HEPH: variants seen among roughly 807,000 people sequenced by gnomAD.
The protein encoded by HEPH is hephaestin.
HEPH carries 69 observed loss-of-function variants against 80.8 expected under a neutral mutation model. That is an observed-to-expected ratio of 0.85 (90% CI 0.70 to 1.04). HEPH has a LOEUF of 1.04. Among genes scored for constraint, HEPH ranks in the 50% least tolerant of loss-of-function variants. The probability of loss-of-function intolerance (pLI) is 0.00; values close to 1 mark genes in which losing one functional copy is unlikely to be tolerated. For synonymous variants in HEPH, 431 were observed against 322.8 expected, an observed-to-expected ratio of 1.34 and a Z score of -3.60; for missense variants, 1,115 against 891.3, an observed-to-expected ratio of 1.25 and a Z score of -3.20.
At chrX:66,255,295 G>A (rs1251623823) in intron 16 of HEPH, among the ~76,000 whole-genome samples, 154 bp downstream of exon 16, 1 of 111,704 alleles carries the variant, frequency 9.0e-6, no homozygotes, top group Non-Finnish European at 1.9e-5. Flanking sequence ...TAGACAGGAG[G>A]AGGGACGAAG....
rs780125132 is a variant in HEPH, at chrX:66,206,539, T to A, written c.2292-656T>A. ...CACTACACCCAGCTGATTTTTTTTT[T>A]AATTTTTAGTAGAGATAGGGTTTTG... On this transcript the variant is annotated intron_variant, in intron 13 of 20. Coordinates refer to ENST00000343002, the MANE Select transcript of HEPH (RefSeq NM_001367233.3). Among the ~76,000 whole-genome samples, 277 of 105,320 alleles carry A rather than the reference T, an allele frequency of 2.6e-3. 1 individual carries two copies. The highest frequency in any genetic ancestry group is 9.0e-3 in the African/African-American group (263 of 29,135). The allele number at this position is 105,320 out of a possible 115,157, so 91.5% of individuals were successfully genotyped here.
intron 15 of HEPH, among the ~76,000 whole-genome samples, chrX:66,211,159 G>A (rs140823692): frequency 2.7e-5 from 3 of 111,215 alleles, no homozygotes; most frequent in Non-Finnish European, 5.7e-5. Flanking sequence ...AAGTGACAAT[G>A]GCATCAGCTG....
chrX:66,166,859 T>G (rs1296725680), intron 1 of HEPH, among the ~76,000 whole-genome samples: 1 of 112,057 alleles, frequency 8.9e-6, no homozygotes, highest in Non-Finnish European at 1.9e-5. Context: ...TGTGTTACCA[T>G]ATATGGGAAT....
intron 15 of HEPH, among the ~76,000 whole-genome samples, chrX:66,230,212 T>C (rs2090069107): frequency 1.1e-5 from 1 of 87,736 alleles, no homozygotes; most frequent in African/African-American, 4.6e-5. Context: ...TCTTTGCTAT[T>C]GTGAATAATG....
intron 4 of HEPH, among the ~76,000 whole-genome samples, chrX:66,178,835 C>G (rs980344742): frequency 1.8e-4 from 20 of 112,077 alleles, no homozygotes; most frequent in Admixed American, 3.8e-4. Context: ...TTTGTAGATT[C>G]TGGATATTAT....
At position 66,195,207 on chromosome X, in the gene HEPH, T is replaced by G; in HGVS notation, c.1479T>G (p.Tyr493Ter). Residue 493 changes from tyrosine (Y) to a stop codon, truncating the protein, a stop_gained, in exon 9 of 21, where the codon TAT becomes TAG. Coordinates refer to ENST00000343002, the MANE Select transcript of HEPH (RefSeq NM_001367233.3). LOFTEE classifies it high-confidence loss of function. ...ATGGGGTCTTTTATGAGAAAGACTA[T>G]GAAGGCACTGTGTACAATGATGGTG... The part of the protein sequence containing the change: ...QPHGVFYEKD[Y>*]EGTVYNDGSS... 1 of 1,196,039 alleles carries G rather than the reference T, an allele frequency of 8.4e-7. No individual in the cohort carries two copies. The highest frequency in any genetic ancestry group is 1.1e-6 in the Non-Finnish European group (1 of 888,025).
At chrX:66,242,506 A>T (rs998123878) in intron 15 of HEPH, among the ~76,000 whole-genome samples, 4 of 112,161 alleles carry the variant, frequency 3.6e-5, no homozygotes, top group Non-Finnish European at 5.6e-5. Flanking sequence ...AAAAACAAAC[A>T]TTGTCAAGTA....
chrX:66,177,932 C>A (rs1164287493), intron 4 of HEPH, among the ~76,000 whole-genome samples: 1 of 96,940 alleles, frequency 1.0e-5, no homozygotes, highest in Non-Finnish European at 2.0e-5. Context: ...TTATTATTGT[C>A]AATCAGATTG....
intron 1 of HEPH, among the ~76,000 whole-genome samples, chrX:66,166,018 C>G (rs2086344394): frequency 9.1e-6 from 1 of 110,166 alleles, no homozygotes; most frequent in South Asian, 3.9e-4. Context: ...AATGAGGGGC[C>G]CAAAGTAGAG....
In HEPH at chrX:66,188,362, C is replaced by T. The variant is rs1434713783; in HGVS notation, c.629C>T (p.Ala210Val). Residue 210 changes from alanine to valine, a missense_variant, in exon 5 of 21, where the codon GCC becomes GTC. Coordinates refer to ENST00000343002, the MANE Select transcript of HEPH (RefSeq NM_001367233.3). Reference sequence around the variant, plus strand: ...GAAACTGTCTTACTTGCCCTAGGAGCCCTGGATGGGAACTCCCCTCCTCAA... The same window carrying T: ...GAAACTGTCTTACTTGCCCTAGGAGTCCTGGATGGGAACTCCCCTCCTCAA... ...IGPLITCKRG[A>V]LDGNSPPQRQ... 8.5e-7 allele frequency: 1 copy of T among 1,182,001 alleles called. No individual in the cohort carries two copies. Among genetic ancestry groups the T allele is most frequent in the African/African-American group, 1.7e-5 (1 of 57,222 alleles).
chrX:66,188,220 A>T, intron 4 of HEPH, 139 bp from the exon 5 acceptor site: 1 of 472,712 alleles, frequency 2.1e-6, no homozygotes. Context: ...AATTAATCTA[A>T]GAGGGTTATT....
Position 66,208,237 on chromosome X carries a change from G to T in HEPH, c.2554G>T (p.Ala852Ser). The change falls in exon 15 of 21, where the codon GCT (alanine) becomes TCT (serine). Residue 852 changes from alanine (A) to serine (S), a missense_variant. By Grantham distance (99) the Ala-to-Ser change is moderately conservative. Coordinates refer to ENST00000343002, the MANE Select transcript of HEPH (RefSeq NM_001367233.3). ...LESTTVWPLA[A>S]EPGEVVTYQW... ...ATCTACTACTGTCTGGCCACTGGCT[G>T]CTGAGCCTGGTGAGTGGGGACACTT... 1.7e-6 allele frequency: 2 copies of T among 1,207,425 alleles called. No homozygotes were observed. Among genetic ancestry groups the T allele is most frequent in the Non-Finnish European group, 1.1e-6 (1 of 893,179 alleles).
At chrX:66,224,110 A>G (rs2089776301) in intron 15 of HEPH, among the ~76,000 whole-genome samples, 2 of 108,056 alleles carry the variant, frequency 1.9e-5, no homozygotes, top group African/African-American at 6.7e-5. Flanking sequence ...TGAAGATGAT[A>G]ACCATTCTTT....
chrX:66,254,193 C>A (rs1018913722), intron 15 of HEPH, among the ~76,000 whole-genome samples: 1 of 110,943 alleles, frequency 9.0e-6, no homozygotes, highest in East Asian at 2.8e-4. Flanking sequence ...TGTTAGGAAG[C>A]TTTGTAATGG....
intron 4 of HEPH, among the ~76,000 whole-genome samples, chrX:66,187,416 G>A (rs1329435821): frequency 9.0e-6 from 1 of 111,380 alleles, no homozygotes; most frequent in Non-Finnish European, 1.9e-5. Context: ...GCTGAAGGCT[G>A]TTCTTCAGAT....
chrX:66,244,630 A>G (rs1302996895), intron 15 of HEPH, among the ~76,000 whole-genome samples: 1 of 111,292 alleles, frequency 9.0e-6, no homozygotes, highest in African/African-American at 3.3e-5. Flanking sequence ...ATTCCTATCC[A>G]TACTCTGAAT....
chrX:66,243,788 G>A (rs147734281), intron 15 of HEPH, among the ~76,000 whole-genome samples: 1,194 of 112,338 alleles, frequency 0.011, 14 homozygotes, highest in African/African-American at 0.037. Context: ...TCATGTTTTT[G>A]TGGTCATTGG....
intron 15 of HEPH, among the ~76,000 whole-genome samples, chrX:66,217,585 A>T (rs755035299): frequency 8.9e-6 from 1 of 111,748 alleles, no homozygotes; most frequent in Admixed American, 9.5e-5. Context: ...GAACCTCCTT[A>T]AAGCATAAAC....
Position 66,256,118 on chromosome X carries a change from G to A in HEPH, c.2684G>A (p.Gly895Asp), listed in dbSNP as rs1374661434. The change falls in exon 17 of 21, where the codon GGC becomes GAC. Residue 895 changes from glycine to aspartate, a missense_variant. Physicochemically the swap from Gly to Asp is moderately conservative, Grantham distance 94. This residue lies in a region of HEPH where 716 missense variants were observed against 523.5 expected (regional missense o/e 1.37). Transcript: ENST00000343002. ...TCCCTTCCTCAGGACATGTATAGTG[G>A]CCTGGTGGGGCCCTTGGCTATCTGC... ...AVDPIKDMYS[G>D]LVGPLAICQK... 8.3e-7 allele frequency: 1 copy of A among 1,207,073 alleles called. No individual in the cohort carries two copies. The highest frequency in any genetic ancestry group is 2.2e-5 in the Admixed American group (1 of 45,945).
Sources: allele counts gnomAD v4.1 joint callset (sites outside exome capture counted in the v4.1 genomes callset), GRCh38; gene constraint gnomAD v4.1.1; regional missense constraint gnomAD v4.1.1; transcripts MANE v1.5; gene names NCBI Gene and HGNC (gene_info 2026-07-23, HGNC 2026-07-21).